DAB2: variants seen among roughly 807,000 people sequenced by gnomAD.
DAB2 encodes the protein DAB adaptor protein 2.
A neutral mutation model predicts 71.6 loss-of-function variants in DAB2; 28 were observed. That is an observed-to-expected ratio of 0.39 (90% CI 0.29 to 0.54). The LOEUF (loss-of-function observed/expected upper bound fraction) is 0.54. Ranked by LOEUF, DAB2 falls within the 20% of genes least tolerant of loss-of-function variation. The pLI is 0.68. For missense variants in DAB2, 867 were observed against 928.8 expected (o/e 0.93, Z 0.86); for synonymous variants, 345 against 339.7 (o/e 1.02, Z -0.17).
At chr5:39,374,784 C>A in intron 14 of DAB2, 1 of 430,514 alleles carries the variant, frequency 2.3e-6, no homozygotes. Flanking sequence ...GATAAAAATC[C>A]ACATCCCCAA....
chr5:39,407,027 G>A (rs573258038), intron 1 of DAB2, among the ~76,000 whole-genome samples: 1 of 152,074 alleles, frequency 6.6e-6, no homozygotes, highest in Non-Finnish European at 1.5e-5. Flanking sequence ...GGCAGGAAAA[G>A]GTAGTCAAAA....
At chr5:39,376,508 G>T in intron 12 of DAB2, 142 bp downstream of exon 12, 1 of 967,094 alleles carries the variant, frequency 1.0e-6, no homozygotes, top group Non-Finnish European at 1.5e-6. Flanking sequence ...TGGTTAAGTT[G>T]TCTCCGTAAC....
In DAB2 at chr5:39,383,161, A is replaced by C. The variant is rs771778776; in HGVS notation, c.798T>G (p.Pro266=). 1.2e-6 allele frequency: 2 copies of C among 1,614,148 alleles called. No individual in the cohort carries two copies. The highest frequency in any genetic ancestry group is 2.2e-5 in the South Asian group (2 of 91,082). Reference sequence around the variant, plus strand: ...AGAAGGATGCCTGAGGCGTTGGTCGAGGAAGAGAACAGGAGGTGATGCCGT... The same window carrying C: ...AGAAGGATGCCTGAGGCGTTGGTCGCGGAAGAGAACAGGAGGTGATGCCGT... ...LTNGITSCSL[P]RPTPQASFLP... The change falls in exon 10 of 15, where the codon CCT becomes CCG. Residue 266 remains proline (P), a synonymous_variant. Transcript: ENST00000320816.
chr5:39,376,425 T>C (rs1374305034), intron 12 of DAB2, among the ~76,000 whole-genome samples: 1 of 152,138 alleles, frequency 6.6e-6, no homozygotes, highest in African/African-American at 2.4e-5. Flanking sequence ...CCTTTTAAGA[T>C]TTATCACTAG....
At chr5:39,389,967 A>T (rs770472840) in intron 5 of DAB2, 35 bp from the exon 6 acceptor site, 1 of 1,376,710 alleles carries the variant, frequency 7.3e-7, no homozygotes, top group East Asian at 2.4e-5. Flanking sequence ...TCCGTATTTT[A>T]ATTTTAGTAT....
chr5:39,377,755 C>T (rs1260504906), intron 11 of DAB2, among the ~76,000 whole-genome samples: 1 of 152,160 alleles, frequency 6.6e-6, no homozygotes, highest in Non-Finnish European at 1.5e-5. Context: ...TTGATCTTTT[C>T]ATTTGGCAAC....
chr5:39,384,512 T>A (rs1284581401), intron 9 of DAB2, among the ~76,000 whole-genome samples: 1 of 152,178 alleles, frequency 6.6e-6, no homozygotes. Flanking sequence ...AGGGGGACTA[T>A]TGTACAAGGT....
chr5:39,381,429 C>A lies in DAB2; in HGVS notation c.1504+25G>T, dbSNP rs201109483. 4 of 1,605,990 alleles carry A rather than the reference C, an allele frequency of 2.5e-6. No homozygotes were observed. The Admixed American group carries it at 6.8e-5, about 27-fold the overall frequency. On this transcript the variant is annotated intron_variant, in intron 11 of 14. Coordinates refer to ENST00000320816, the MANE Select transcript of DAB2 (RefSeq NM_001343.4). The stretch of plus-strand genomic sequence containing the variant: ...TATGAGCAAAAGCAAAAGAGTCATA[C>A]TTAATTTTATCTCTAGGCACCTACC...
chr5:39,387,790 A>G (rs887041799), intron 9 of DAB2: 7 of 151,976 alleles, frequency 4.6e-5, no homozygotes, highest in Admixed American at 3.9e-4. Flanking sequence ...TTCAATATTG[A>G]GCAGACTGGA....
Position 39,377,158 on chromosome 5 carries a change from G to T in DAB2, c.1629C>A (p.Pro543=), listed in dbSNP as rs1288247327. ...CAGCTGGACTTGTACCAAAAATGAC[G>T]GGCTGACTAAAACCTGAAGGTTGAC... The part of the protein sequence containing the change: ...MGGQPSGFSQ[P]VIFGTSPAVS... Residue 543 remains proline, a synonymous_variant, in exon 12 of 15, where the codon CCC becomes CCA. Transcript: ENST00000320816. 6.2e-7 allele frequency: 1 copy of T among 1,614,022 alleles called. No individual in the cohort carries two copies. The highest frequency in any genetic ancestry group is 8.5e-7 in the Non-Finnish European group (1 of 1,180,002).
At chr5:39,392,293 C>G in intron 4 of DAB2, 72 bp downstream of exon 4, 1 of 1,131,456 alleles carries the variant, frequency 8.8e-7, no homozygotes, top group South Asian at 1.2e-5. Flanking sequence ...AGAAGGGGAG[C>G]CGAAATTCAA....
At chr5:39,423,987 T>C (rs1465421324) in intron 1 of DAB2, 1 of 152,156 alleles carries the variant, frequency 6.6e-6, no homozygotes, top group Non-Finnish European at 1.5e-5. Context: ...GAATTTCCCT[T>C]TGGACTCAGC....
chr5:39,410,705 A>G, intron 1 of DAB2, among the ~76,000 whole-genome samples: 1 of 152,098 alleles, frequency 6.6e-6, no homozygotes, highest in Non-Finnish European at 1.5e-5. Context: ...AGCTGTAGAT[A>G]ATTTTACAGT....
intron 1 of DAB2, among the ~76,000 whole-genome samples, chr5:39,406,871 T>C (rs887273341): frequency 6.6e-6 from 1 of 152,158 alleles, no homozygotes; most frequent in African/African-American, 2.4e-5. Context: ...ACTACTGACA[T>C]AGAAACCTCT....
intron 1 of DAB2, among the ~76,000 whole-genome samples, chr5:39,418,907 C>T (rs1274887706): frequency 1.3e-5 from 2 of 152,196 alleles, no homozygotes; most frequent in African/African-American, 4.8e-5. Context: ...CGAGGCAACT[C>T]ATTTTCCTGA....
Position 39,390,535 on chromosome 5 carries a change from A to G in DAB2, c.371T>C (p.Ile124Thr). The change falls in exon 5 of 15, where the codon ATT becomes ACT. Residue 124 changes from isoleucine to threonine, a missense_variant. Ile to Thr is a moderately conservative substitution (Grantham distance 89). This residue lies in a region of DAB2 where 127 missense variants were observed against 194.4 expected (regional missense o/e 0.65). Transcript: ENST00000320816. ...HEHPVNKISF[I>T]ARDVTDNRAF... ...CCGGTTGTCTGTCACATCACGGGCA[A>G]TGAAAGAAATCTTATTTACTGGATG... 6.2e-7 allele frequency: 1 copy of G among 1,613,590 alleles called. No individual in the cohort carries two copies. The highest frequency in any genetic ancestry group is 8.5e-7 in the Non-Finnish European group (1 of 1,179,494).
chr5:39,378,519 T>A lies in DAB2; in HGVS notation c.1505-1237A>T, dbSNP rs181345232. ...TATTTAGGAGTGATGGAGCACAAGA[T>A]TATATCTTCGAGCTTCTTAGTCTGA... On this transcript the variant is annotated intron_variant, in intron 11 of 14. Transcript: ENST00000320816. 2.6e-5 allele frequency among the ~76,000 whole-genome samples: 4 copies of A among 152,342 alleles called. No individual in the cohort carries two copies. The East Asian group carries it at 5.8e-4, about 22-fold the overall frequency.
At chr5:39,394,999 T>C (rs939880611) in intron 1 of DAB2, among the ~76,000 whole-genome samples, 14 of 152,298 alleles carry the variant, frequency 9.2e-5, no homozygotes, top group African/African-American at 3.4e-4. Context: ...TAACACTTAT[T>C]TGTATCAGGG....
intron 9 of DAB2, among the ~76,000 whole-genome samples, chr5:39,386,271 T>A (rs1380869560): frequency 6.6e-6 from 1 of 152,212 alleles, no homozygotes; most frequent in Non-Finnish European, 1.5e-5. Flanking sequence ...TATTTGAAAC[T>A]CATAAAACTT....
Sources: gnomAD v4.1 joint callset for allele counts (sites outside exome capture counted in the v4.1 genomes callset) on GRCh38, gnomAD v4.1.1 for gene constraint, gnomAD v4.1.1 regional missense constraint, MANE v1.5 for transcripts, NCBI Gene and HGNC (gene_info 2026-07-23, HGNC 2026-07-21) for gene names.